The following RUVBL1 variants were observed in gnomAD, a reference collection of about 807,000 sequenced individuals.
RUVBL1 encodes the protein RuvB like AAA ATPase 1.
A neutral mutation model predicts 52.4 loss-of-function variants in RUVBL1; 4 were observed. The observed-to-expected ratio is 0.08, with a 90% CI of 0.04 to 0.17. The LOEUF (loss-of-function observed/expected upper bound fraction) is 0.17, where lower values mean the gene tolerates loss of function less well. Among genes scored for constraint, RUVBL1 ranks in the 10% least tolerant of loss-of-function variants. The pLI is 1.00. For missense variants in RUVBL1, 298 were observed against 572.8 expected (o/e 0.52, Z 4.90); for synonymous variants, 217 against 214.4 (o/e 1.01, Z -0.10).
At chr3:128,085,445 G>A (rs921463960) in intron 9 of RUVBL1, among the ~76,000 whole-genome samples, 3 of 152,202 alleles carry the variant, frequency 2.0e-5, no homozygotes, top group African/African-American at 7.2e-5. Context: ...TCCAAGAATT[G>A]CCTGGGACTG....
intron 9 of RUVBL1, among the ~76,000 whole-genome samples, chr3:128,066,207 TTA>T (rs1941973328): frequency 6.6e-6 from 1 of 152,088 alleles, no homozygotes; most frequent in Admixed American, 6.5e-5. Context: ...TAAGGAACTA[TTA>T]TAAGGTGTGA....
In RUVBL1 at chr3:128,099,022, A is replaced by G. The variant is rs767550271; in HGVS notation, c.754-77T>C. 3.3e-4 allele frequency: 398 copies of G among 1,219,832 alleles called. 1 individual carries two copies. The highest frequency in any genetic ancestry group is 7.1e-4 in the South Asian group (59 of 82,680). The allele number at this position is 1,219,832 out of a possible 1,614,324, so 75.6% of individuals were successfully genotyped here. A position where few individuals can be genotyped will look rare whatever the true frequency, so the allele number is the denominator to read the frequency against. On this transcript the variant is annotated intron_variant, in intron 6 of 10. Transcript: ENST00000322623. ...AGCCTCATCCCCCTGCATCCCACTC[A>G]TCAACTCAACATGGGATCCTGAGGT...
At chr3:128,152,611 CCA>C (rs1368194703) in intron 1 of RUVBL1, among the ~76,000 whole-genome samples, 226 of 152,292 alleles carry the variant, frequency 1.5e-3, no homozygotes, top group African/African-American at 5.0e-3. Flanking sequence ...GCGGAACCCA[CCA>C]GGCACTTGGT....
chr3:128,153,186 TC>T, intron 1 of RUVBL1: 1 of 1,264,556 alleles, frequency 7.9e-7, no homozygotes, highest in Middle Eastern at 3.0e-4. Context: ...AGAAAAGTTC[TC>T]CAAGTCTCCA....
intron 3 of RUVBL1, among the ~76,000 whole-genome samples, chr3:128,109,405 G>A (rs1943324573): frequency 6.6e-6 from 1 of 151,616 alleles, no homozygotes; most frequent in South Asian, 2.1e-4. Flanking sequence ...TTTTTGAGAT[G>A]GTGTCTCACT....
Position 128,153,341 on chromosome 3 carries a change from C to A in RUVBL1, c.-178G>T. On this transcript the variant is annotated 5_prime_UTR_variant, in exon 1 of 10. Coordinates refer to the RUVBL1 transcript ENST00000464873. ...GTTCCTAGACCACCCACTCGGAGCA[C>A]GGCGCTCGGCTGTGCCCGTGAGCCT... 2.2e-6 allele frequency: 3 copies of A among 1,375,118 alleles called. No homozygotes were observed. The South Asian group carries it at 5.0e-5, about 23-fold the overall frequency. 85.2% of individuals were successfully genotyped at this position (1,375,118 alleles called of 1,614,324 possible). A position where few individuals can be genotyped will look rare whatever the true frequency, so the allele number is the denominator to read the frequency against.
At chr3:128,085,998 C>T (rs1942635778) in intron 9 of RUVBL1, among the ~76,000 whole-genome samples, 1 of 152,174 alleles carries the variant, frequency 6.6e-6, no homozygotes, top group Non-Finnish European at 1.5e-5. Context: ...TACCCTAGGT[C>T]GCAGTGTCCT....
chr3:128,086,585 C>T (rs1038792579), intron 9 of RUVBL1, among the ~76,000 whole-genome samples: 5 of 152,198 alleles, frequency 3.3e-5, no homozygotes, highest in South Asian at 2.1e-4. Context: ...CATGCTGCCT[C>T]GGAGACACCA....
chr3:128,073,381 C>T, intron 9 of RUVBL1, among the ~76,000 whole-genome samples: 1 of 152,200 alleles, frequency 6.6e-6, no homozygotes, highest in Non-Finnish European at 1.5e-5. Context: ...GAAGCCAGGC[C>T]AGCATGAAGT....
At chr3:128,101,009 T>G (rs1298449380) in intron 5 of RUVBL1, among the ~76,000 whole-genome samples, 2 of 152,220 alleles carry the variant, frequency 1.3e-5, no homozygotes, top group Admixed American at 1.3e-4. Context: ...ATGCAATTCC[T>G]GATAAAGGCC....
At chr3:128,100,875 A>C in intron 5 of RUVBL1, 131 bp from the exon 6 acceptor site, 6 of 986,166 alleles carry the variant, frequency 6.1e-6, no homozygotes, top group Non-Finnish European at 9.0e-6. Context: ...AACTCCAAAT[A>C]TGCCCCACTC....
intron 1 of RUVBL1, among the ~76,000 whole-genome samples, chr3:128,152,864 GC>G (rs1041332747): frequency 2.4e-5 from 2 of 83,044 alleles, no homozygotes; most frequent in African/African-American, 9.5e-5. Flanking sequence ...GGGGTGGCCA[GC>G]TTTTATTCCC....
At chr3:128,139,963 A>G (rs1191442680) in intron 1 of RUVBL1, among the ~76,000 whole-genome samples, 1 of 152,220 alleles carries the variant, frequency 6.6e-6, no homozygotes, top group Non-Finnish European at 1.5e-5. Flanking sequence ...AGTGTTTGAT[A>G]GCACAGCAGC....
chr3:128,079,226 G>C (rs543705697), downstream of RUVBL1, among the ~76,000 whole-genome samples: 1 of 152,352 alleles, frequency 6.6e-6, no homozygotes, highest in African/African-American at 2.4e-5. Context: ...CCCCACACCG[G>C]ACCCCGCTTC....
intron 1 of RUVBL1, among the ~76,000 whole-genome samples, chr3:128,134,629 AT>A (rs200385704): frequency 7.9e-4 from 108 of 137,444 alleles, no homozygotes; most frequent in Non-Finnish European, 8.3e-4. Flanking sequence ...TCTACAAAAA[AT>A]AAAAATAAAA....
chr3:128,151,174 T>C (rs1305660324), intron 1 of RUVBL1, among the ~76,000 whole-genome samples: 1 of 133,180 alleles, frequency 7.5e-6, no homozygotes, highest in Non-Finnish European at 1.5e-5. Context: ...ATATATACTC[T>C]ATATACATTC....
At chr3:128,079,299 C>T, downstream of RUVBL1, among the ~76,000 whole-genome samples, 1 of 152,228 alleles carries the variant, frequency 6.6e-6, no homozygotes, top group East Asian at 1.9e-4. Context: ...AATGCCAACA[C>T]AGAAGGAGGC....
intron 8 of RUVBL1, among the ~76,000 whole-genome samples, chr3:128,092,561 C>T (rs1271988399): frequency 6.6e-6 from 1 of 151,924 alleles, no homozygotes; most frequent in East Asian, 1.9e-4. Context: ...AAACATTTCT[C>T]CAAAGACAAT....
At chr3:128,134,210 C>G (rs558077460) in intron 1 of RUVBL1, among the ~76,000 whole-genome samples, 4 of 152,200 alleles carry the variant, frequency 2.6e-5, no homozygotes, top group Non-Finnish European at 5.9e-5. Flanking sequence ...TGTCTGTAAT[C>G]CCAGCACTTT....
Sources: allele counts gnomAD v4.1 joint callset (sites outside exome capture counted in the v4.1 genomes callset), GRCh38; gene constraint gnomAD v4.1.1; transcripts MANE v1.5; gene names NCBI Gene and HGNC (gene_info 2026-07-23, HGNC 2026-07-21).